The following MCM9 variants were observed in gnomAD, a reference collection of about 807,000 sequenced individuals.
The protein encoded by MCM9 is minichromosome maintenance 9 homologous recombination repair factor.
MCM9 carries 55 observed loss-of-function variants against 72.8 expected under a neutral mutation model. The observed-to-expected ratio is 0.76, with a 90% CI of 0.61 to 0.95. The LOEUF (loss-of-function observed/expected upper bound fraction) is 0.95, where lower values mean the gene tolerates loss of function less well. Among genes scored for constraint, MCM9 ranks in the 40% least tolerant of loss-of-function variants. The pLI, the probability that MCM9 is intolerant of heterozygous loss-of-function variation, is 0.00. For missense variants in MCM9, 1,279 were observed against 1,377.0 expected (o/e 0.93, Z 1.13); for synonymous variants, 480 against 503.4 (o/e 0.95, Z 0.62).
chr6:118,855,597 G>T (rs1017693634), intron 9 of MCM9, among the ~76,000 whole-genome samples: 1 of 151,866 alleles, frequency 6.6e-6, no homozygotes, highest in African/African-American at 2.4e-5. Context: ...ATATACCAGT[G>T]TCTGCCTGGC....
chr6:118,926,558 T>C (rs1388878671), intron 3 of MCM9, among the ~76,000 whole-genome samples: 2 of 152,240 alleles, frequency 1.3e-5, no homozygotes, highest in Non-Finnish European at 2.9e-5. Flanking sequence ...TCTGGCTTTA[T>C]TTACTTAGAA....
chr6:118,868,115 T>C (rs1196649774), intron 8 of MCM9, among the ~76,000 whole-genome samples: 1 of 152,022 alleles, frequency 6.6e-6, no homozygotes, highest in Non-Finnish European at 1.5e-5. Flanking sequence ...GACCTTGTGA[T>C]CCACCCACCT....
chr6:118,903,581 TAAAAA>T (rs1283523564), intron 8 of MCM9, among the ~76,000 whole-genome samples: 5 of 152,074 alleles, frequency 3.3e-5, no homozygotes, highest in Non-Finnish European at 7.4e-5. Flanking sequence ...TATCAGCACA[TAAAAA>T]AGGAATCTAT....
At chr6:118,928,864 A>G (rs1211737780) in intron 3 of MCM9, among the ~76,000 whole-genome samples, 1 of 152,086 alleles carries the variant, frequency 6.6e-6, no homozygotes, top group African/African-American at 2.4e-5. Context: ...CAAAAAAAAA[A>G]AAAGAATTCA....
Position 118,815,363 on chromosome 6 carries a change from C to T in MCM9, c.2893G>A (p.Ala965Thr), listed in dbSNP as rs570163965. The T allele has an allele frequency of 9.7e-6, 15 of 1,550,480 alleles. No individual in the cohort carries two copies. In the Admixed American group the frequency reaches 2.9e-4, roughly 30 times the overall value. Residue 965 changes from alanine (A) to threonine (T), a missense_variant, in exon 14 of 14, where the codon GCC (alanine) becomes ACC (threonine). Ala to Thr is a moderately conservative substitution (Grantham distance 58, BLOSUM62 0). Coordinates refer to ENST00000619706, the MANE Select transcript of MCM9 (RefSeq NM_017696.3). The part of the protein sequence containing the change: ...ISQRRTRRDA[A>T]LPVKRPGKLT... The stretch of plus-strand genomic sequence containing the variant: ...TTTCCTGGACGCTTCACCGGCAAGG[C>T]TGCGTCTCTTCTTGTTCTACGCTGG...
chr6:118,873,126 T>C (rs1240917201), intron 8 of MCM9, among the ~76,000 whole-genome samples: 1 of 145,510 alleles, frequency 6.9e-6, no homozygotes, highest in Non-Finnish European at 1.5e-5. Context: ...GAGCTGTGAC[T>C]GCACCACTGA....
chr6:118,911,013 C>T, intron 8 of MCM9: 4 of 985,196 alleles, frequency 4.1e-6, no homozygotes, highest in Non-Finnish European at 3.6e-6. Context: ...CCAATCAAAA[C>T]TGTAAAAATA....
At chr6:118,890,957 T>C (rs1322214909) in intron 8 of MCM9, among the ~76,000 whole-genome samples, 1 of 152,216 alleles carries the variant, frequency 6.6e-6, no homozygotes, top group Admixed American at 6.5e-5. Context: ...ATTCCTATGA[T>C]AACTTTTGCA....
chr6:118,901,610 A>T (rs1399213419), intron 8 of MCM9, among the ~76,000 whole-genome samples: 4 of 152,160 alleles, frequency 2.6e-5, no homozygotes, highest in Non-Finnish European at 5.9e-5. Context: ...CAAAAGTGTT[A>T]TTTCTTTTAA....
At chr6:118,891,815 G>A (rs907862713) in intron 8 of MCM9, among the ~76,000 whole-genome samples, 1 of 152,116 alleles carries the variant, frequency 6.6e-6, no homozygotes, top group Non-Finnish European at 1.5e-5. Flanking sequence ...TCTTAGAGCC[G>A]ATAAAATCTC....
rs141466502 is a variant in MCM9, at chr6:118,911,404, G to A, written c.1150+246C>T. The A allele has an allele frequency of 2.5e-4, 307 of 1,224,108 alleles. No individual in the cohort carries two copies. In the African/African-American group the frequency reaches 4.3e-3, roughly 17 times the overall value. 75.8% of individuals were successfully genotyped at this position (1,224,108 alleles called of 1,614,324 possible). ...ACTTTTTCCTGCATAAAAGTATGAA[G>A]GTAATCACTAGAGAATGAGAAAATT... On this transcript the variant is annotated intron_variant, in intron 8 of 13. Transcript: ENST00000619706.
intron 11 of MCM9, among the ~76,000 whole-genome samples, chr6:118,827,074 G>A (rs1017858645): frequency 6.6e-6 from 1 of 152,068 alleles, no homozygotes; most frequent in Middle Eastern, 3.2e-3. Flanking sequence ...ACACAATCTT[G>A]TATATTTATA....
Position 118,931,445 on chromosome 6 carries a change from T to G in MCM9, c.279A>C (p.Lys93Asn). The stretch of plus-strand genomic sequence containing the variant: ...CTGATATCCTGGCATGAAGATTCTG[T>G]TTCATGGAAACAGCCTCAGGCTGAG... ...SLSQPEAVSM[K>N]QNLHARISGL... Residue 93 changes from lysine to asparagine, a missense_variant, in exon 3 of 14, where the codon AAA becomes AAC. Physicochemically the swap from Lys to Asn is moderately conservative, Grantham distance 94. Coordinates refer to ENST00000619706, the MANE Select transcript of MCM9 (RefSeq NM_017696.3). The G allele has an allele frequency of 2.5e-6, 4 of 1,612,288 alleles. No homozygotes were observed. The highest frequency in any genetic ancestry group is 3.4e-6 in the Non-Finnish European group (4 of 1,178,382).
intron 7 of MCM9, chr6:118,912,452 T>A (rs1780625379): frequency 6.6e-6 from 1 of 152,222 alleles, no homozygotes; most frequent in African/African-American, 2.4e-5. Flanking sequence ...GTACATATGA[T>A]TTCACTGACC....
At position 118,891,949 on chromosome 6, in the gene MCM9, C is replaced by T. The variant is rs148414771; in HGVS notation, c.1150+19701G>A. Among the ~76,000 whole-genome samples the T allele has an allele frequency of 2.3e-3, 348 of 152,324 alleles. 2 individuals are homozygous for T. The highest frequency in any genetic ancestry group is 7.7e-3 in the African/African-American group (321 of 41,556). On this transcript the variant is annotated intron_variant, in intron 8 of 13. Coordinates refer to ENST00000619706, the MANE Select transcript of MCM9 (RefSeq NM_017696.3). ...CTTAATAAAGACATTCACAGTGACC[C>T]ATCTGTTGTACAATTAGATGTTTGG...
At chr6:118,828,360 C>G (rs927910074) in intron 10 of MCM9, among the ~76,000 whole-genome samples, 2 of 151,948 alleles carry the variant, frequency 1.3e-5, no homozygotes, top group Admixed American at 6.6e-5. Context: ...TTCTGGTCTG[C>G]CCAGTAATCA....
Position 118,876,117 on chromosome 6 carries a change from G to C in MCM9, c.1151-19572C>G, listed in dbSNP as rs146189073. On this transcript the variant is annotated intron_variant, in intron 8 of 13. Transcript: ENST00000619706. The stretch of plus-strand genomic sequence containing the variant: ...TAATAGCATATGTTAGTAAGTAAAA[G>C]AGGCCAATCTGAAAATACTACATAC... 1.7e-4 allele frequency among the ~76,000 whole-genome samples: 26 copies of C among 152,308 alleles called. No individual in the cohort carries two copies. The East Asian group carries it at 4.8e-3, about 28-fold the overall frequency.
intron 9 of MCM9, among the ~76,000 whole-genome samples, chr6:118,845,506 G>A (rs550493304): frequency 3.3e-5 from 5 of 151,726 alleles, no homozygotes; most frequent in Non-Finnish European, 4.4e-5. Context: ...CTAAAAAAGC[G>A]GGGAGCTCTT....
chr6:118,932,615 A>G lies in MCM9; in HGVS notation c.-24T>C. ...GTAACTGAAACACATACCATTAATC[A>G]GACTGACAGCCAGTTCTGACATGAA... On this transcript the variant is annotated 5_prime_UTR_variant, in exon 2 of 14. Coordinates refer to ENST00000619706, the MANE Select transcript of MCM9 (RefSeq NM_017696.3). 1 of 984,770 alleles carries G rather than the reference A, an allele frequency of 1.0e-6. No homozygotes were observed. The highest frequency in any genetic ancestry group is 4.7e-5 in the South Asian group (1 of 21,270). The allele number at this position is 984,770 out of a possible 1,614,324, so 61.0% of individuals were successfully genotyped here.
Sources: gnomAD v4.1 joint callset for allele counts (sites outside exome capture counted in the v4.1 genomes callset) on GRCh38, gnomAD v4.1.1 for gene constraint, MANE v1.5 for transcripts, NCBI Gene and HGNC (gene_info 2026-07-23, HGNC 2026-07-21) for gene names.